NYAP2: variants seen among roughly 807,000 people sequenced by gnomAD.
NYAP2 encodes neuronal tyrosine-phosphorylated phosphoinositide-3-kinase adapter 2.
Under a neutral mutation model 50.4 loss-of-function variants are expected in NYAP2, and 23 were observed. The observed-to-expected ratio is 0.46, with a 90% CI of 0.33 to 0.65. NYAP2 has a LOEUF of 0.65. Among genes scored for constraint, NYAP2 ranks in the 30% least tolerant of loss-of-function variants. NYAP2 has a pLI of 0.02. For synonymous variants in NYAP2, 394 were observed against 365.2 expected (o/e 1.08, Z -0.90); for missense variants, 885 against 861.0 (o/e 1.03, Z -0.35).
intron 3 of NYAP2, among the ~76,000 whole-genome samples, chr2:225,426,064 G>A (rs1695282136): frequency 6.6e-6 from 1 of 151,624 alleles, no homozygotes; most frequent in Admixed American, 6.6e-5. Flanking sequence ...ATTAATTCTT[G>A]ATAATTGAAA....
chr2:225,523,188 T>G (rs1285818916), intron 4 of NYAP2, among the ~76,000 whole-genome samples: 1 of 152,034 alleles, frequency 6.6e-6, no homozygotes, highest in Non-Finnish European at 1.5e-5. Context: ...GCCATAACGT[T>G]TTTTAAAAGA....
intron 3 of NYAP2, among the ~76,000 whole-genome samples, chr2:225,426,324 C>T (rs1695287661): frequency 6.6e-6 from 1 of 151,984 alleles, no homozygotes; most frequent in Non-Finnish European, 1.5e-5. Context: ...ATATCAGTAC[C>T]TACAGATTAG....
chr2:225,608,101 T>C (rs921070311), intron 5 of NYAP2, among the ~76,000 whole-genome samples: 1 of 152,156 alleles, frequency 6.6e-6, no homozygotes, highest in East Asian at 1.9e-4. Context: ...AGTTGGTAGA[T>C]TTTGGAATCC....
At chr2:225,637,814 G>A (rs913412328) in intron 6 of NYAP2, among the ~76,000 whole-genome samples, 8 of 152,144 alleles carry the variant, frequency 5.3e-5, no homozygotes, top group African/African-American at 9.7e-5. Flanking sequence ...AGAACTGGGA[G>A]GGAGTTAACC....
At chr2:225,492,751 G>C (rs1481536873) in intron 3 of NYAP2, among the ~76,000 whole-genome samples, 1 of 152,108 alleles carries the variant, frequency 6.6e-6, no homozygotes, top group Non-Finnish European at 1.5e-5. Flanking sequence ...GAACAAGAGA[G>C]GGAGAAGGGG....
chr2:225,587,483 A>T (rs1349699339), intron 5 of NYAP2, among the ~76,000 whole-genome samples: 1 of 152,106 alleles, frequency 6.6e-6, no homozygotes, highest in Non-Finnish European at 1.5e-5. Flanking sequence ...CACCAAGAAG[A>T]GAGGCGCACA....
intron 3 of NYAP2, among the ~76,000 whole-genome samples, chr2:225,486,849 C>T (rs1690309095): frequency 6.6e-6 from 1 of 152,192 alleles, no homozygotes; most frequent in Non-Finnish European, 1.5e-5. Flanking sequence ...CTCCTCCCTA[C>T]AGATCTGAGT....
intron 4 of NYAP2, among the ~76,000 whole-genome samples, chr2:225,570,603 G>C (rs1269906310): frequency 6.6e-6 from 1 of 152,118 alleles, no homozygotes; most frequent in Non-Finnish European, 1.5e-5. Flanking sequence ...TCACTATCAT[G>C]AGAACAGCAT....
chr2:225,422,384 G>A (rs1018844067), intron 3 of NYAP2, among the ~76,000 whole-genome samples: 7 of 152,084 alleles, frequency 4.6e-5, no homozygotes, highest in African/African-American at 7.2e-5. Flanking sequence ...AGTGTCAGTC[G>A]GCTGCCAGTC....
At chr2:225,669,609 A>AT in the NYAP2 span, among the ~76,000 whole-genome samples, 1 of 152,168 alleles carries the variant, frequency 6.6e-6, no homozygotes, top group Non-Finnish European at 1.5e-5. Flanking sequence ...ATGAAAACAA[A>AT]TATCCAGAAT....
chr2:225,490,313 C>T (rs1288634960), intron 3 of NYAP2, among the ~76,000 whole-genome samples: 1 of 152,146 alleles, frequency 6.6e-6, no homozygotes, highest in Non-Finnish European at 1.5e-5. Flanking sequence ...CCTTTGATTA[C>T]TTACAACATA....
At chr2:225,398,142 A>T (rs1361806054), upstream of NYAP2, among the ~76,000 whole-genome samples, 3 of 151,792 alleles carry the variant, frequency 2.0e-5, no homozygotes, top group Non-Finnish European at 4.4e-5. Flanking sequence ...CTTTGTTTGG[A>T]TTATTTTGGT....
At chr2:225,550,585 A>C (rs1691655841) in intron 4 of NYAP2, among the ~76,000 whole-genome samples, 1 of 152,188 alleles carries the variant, frequency 6.6e-6, no homozygotes, top group South Asian at 2.1e-4. Context: ...GAAGTAGGGA[A>C]ATGGGTGGCA....
chr2:225,652,240 T>A (rs772550630), exon 7 of NYAP2: 1 of 152,158 alleles, frequency 6.6e-6, no homozygotes, highest in Non-Finnish European at 1.5e-5. Flanking sequence ...AATCTAGATA[T>A]TTAACAAAAA....
At chr2:225,559,852 C>A (rs1559214410) in intron 4 of NYAP2, among the ~76,000 whole-genome samples, 2 of 151,916 alleles carry the variant, frequency 1.3e-5, no homozygotes, top group East Asian at 3.9e-4. Flanking sequence ...ATATATATAT[C>A]TATGCTTTAT....
intron 3 of NYAP2, among the ~76,000 whole-genome samples, chr2:225,486,701 C>G (rs1690304943): frequency 6.6e-6 from 1 of 152,112 alleles, no homozygotes; most frequent in South Asian, 2.1e-4. Context: ...AATAAGAAAC[C>G]CATCAGGGCC....
At chr2:225,626,053 G>C (rs1237346244) in intron 5 of NYAP2, among the ~76,000 whole-genome samples, 1 of 152,184 alleles carries the variant, frequency 6.6e-6, no homozygotes, top group Non-Finnish European at 1.5e-5. Context: ...CTTAAAGAAA[G>C]AGAGAGAAAA....
the NYAP2 span, among the ~76,000 whole-genome samples, chr2:225,692,870 TACAC>T: frequency 1.3e-3 from 169 of 132,836 alleles, 2 homozygotes; most frequent in East Asian, 9.5e-3. Flanking sequence ...TCTTTAAACA[TACAC>T]ACACACACAC....
At chr2:225,671,365 T>G in the NYAP2 span, among the ~76,000 whole-genome samples, 1 of 152,184 alleles carries the variant, frequency 6.6e-6, no homozygotes. Flanking sequence ...GTGCATTTCA[T>G]CTCAAGAAAC....
Sources: gnomAD v4.1 joint callset for allele counts (sites outside exome capture counted in the v4.1 genomes callset) on GRCh38, gnomAD v4.1.1 for gene constraint, MANE v1.5 for transcripts, NCBI Gene and HGNC (gene_info 2026-07-23, HGNC 2026-07-21) for gene names.